PLXNA2: variants seen among roughly 807,000 people sequenced by gnomAD.
PLXNA2 encodes plexin-A2.
Under a neutral mutation model 193.5 loss-of-function variants are expected in PLXNA2, and 91 were observed. The observed-to-expected ratio is 0.47, with a 90% CI of 0.40 to 0.56. PLXNA2 has a LOEUF of 0.56. Among genes scored for constraint, PLXNA2 ranks in the 20% least tolerant of loss-of-function variants. PLXNA2 has a pLI of 0.00. For missense variants in PLXNA2, 1,995 were observed against 2,503.2 expected (o/e 0.80, Z 4.33); for synonymous variants, 997 against 1,027.3 (o/e 0.97, Z 0.56).
intron 3 of PLXNA2, among the ~76,000 whole-genome samples, chr1:208,194,973 C>A (rs944637541): frequency 2.6e-5 from 4 of 152,142 alleles, no homozygotes; most frequent in African/African-American, 9.7e-5. Context: ...CCACCAGAGT[C>A]CACGCTGAAG....
At chr1:208,036,033 C>T (rs1664660556) in intron 26 of PLXNA2, among the ~76,000 whole-genome samples, 1 of 152,192 alleles carries the variant, frequency 6.6e-6, no homozygotes, top group Non-Finnish European at 1.5e-5. Context: ...AGTGCATTGA[C>T]TTGATGGTAT....
intron 9 of PLXNA2, among the ~76,000 whole-genome samples, chr1:208,090,608 C>T (rs563157179): frequency 2.0e-5 from 3 of 152,282 alleles, no homozygotes; most frequent in Admixed American, 2.0e-4. Flanking sequence ...GAGTGACACT[C>T]GCATGCCCTT....
At chr1:208,134,042 C>T (rs1668234086) in intron 4 of PLXNA2, among the ~76,000 whole-genome samples, 1 of 152,182 alleles carries the variant, frequency 6.6e-6, no homozygotes. Context: ...CTCCAACCCC[C>T]TTGCCCATTT....
At chr1:208,077,339 G>A (rs956212273) in intron 12 of PLXNA2, among the ~76,000 whole-genome samples, 6 of 152,126 alleles carry the variant, frequency 3.9e-5, no homozygotes, top group Admixed American at 6.5e-5. Context: ...AATTAGCCTC[G>A]CGTAGCCTGG....
intron 13 of PLXNA2, among the ~76,000 whole-genome samples, chr1:208,054,967 T>G (rs1348371502): frequency 6.6e-6 from 1 of 151,958 alleles, no homozygotes; most frequent in African/African-American, 2.4e-5. Context: ...CCTAAAGGAG[T>G]GGGTGAGGGC....
chr1:208,226,113 C>G (rs959435777), intron 1 of PLXNA2, among the ~76,000 whole-genome samples: 1 of 152,142 alleles, frequency 6.6e-6, no homozygotes, highest in Non-Finnish European at 1.5e-5. Context: ...AACAGTAGCC[C>G]AGAGAACTCA....
chr1:208,098,589 T>C (rs750507254), intron 6 of PLXNA2, among the ~76,000 whole-genome samples: 13 of 152,178 alleles, frequency 8.5e-5, no homozygotes, highest in Non-Finnish European at 1.3e-4. Flanking sequence ...CTGCATTATG[T>C]TGCAGATGTT....
At chr1:208,055,899 A>G (rs891952716) in intron 13 of PLXNA2, among the ~76,000 whole-genome samples, 13 of 152,248 alleles carry the variant, frequency 8.5e-5, no homozygotes. Flanking sequence ...ATTACGTTTT[A>G]GCATATTAGA....
At chr1:208,147,696 G>A (rs983692423) in intron 3 of PLXNA2, among the ~76,000 whole-genome samples, 6 of 152,172 alleles carry the variant, frequency 3.9e-5, no homozygotes, top group Non-Finnish European at 7.4e-5. Context: ...CACACAGCTG[G>A]AGAGTGGCGT....
intron 5 of PLXNA2, among the ~76,000 whole-genome samples, chr1:208,099,932 C>T (rs1301044338): frequency 1.3e-5 from 2 of 151,964 alleles, no homozygotes; most frequent in African/African-American, 4.8e-5. Flanking sequence ...GCCTGTGGGA[C>T]CTGAGAAGCA....
intron 3 of PLXNA2, among the ~76,000 whole-genome samples, chr1:208,185,719 G>GAAAAAAAAAAAAAAAAAGAAAA (rs3991419): frequency 2.8e-5 from 3 of 105,536 alleles, no homozygotes; most frequent in African/African-American, 7.3e-5. Context: ...AAAAAAAAAA[G>GAAAAAAAAAAAAAAAAAGAAAA]GAAAAAAAAA....
At chr1:208,219,281 C>G (rs761691440) in intron 1 of PLXNA2, among the ~76,000 whole-genome samples, 1 of 152,188 alleles carries the variant, frequency 6.6e-6, no homozygotes, top group South Asian at 2.1e-4. Flanking sequence ...GGCAGGAAGT[C>G]AGAGAGCAGA....
chr1:208,215,055 C>A (rs760731356), intron 2 of PLXNA2, among the ~76,000 whole-genome samples: 9 of 151,986 alleles, frequency 5.9e-5, no homozygotes, highest in Non-Finnish European at 2.9e-5. Context: ...CTCTGTCACC[C>A]AGGCTGGAGT....
chr1:208,098,464 A>T (rs1346854972), intron 6 of PLXNA2, among the ~76,000 whole-genome samples: 1 of 147,188 alleles, frequency 6.8e-6, no homozygotes, highest in South Asian at 2.2e-4. Flanking sequence ...TCTCTCACAC[A>T]CACACACACA....
intron 17 of PLXNA2, among the ~76,000 whole-genome samples, chr1:208,049,562 A>G (rs185272063): frequency 6.3e-4 from 96 of 152,356 alleles, no homozygotes; most frequent in African/African-American, 2.3e-3. Context: ...CAACATCTCC[A>G]GCAGGATGGT....
Position 208,027,160 on chromosome 1 carries a change from C to G in PLXNA2, c.*83G>C. ...GGACAGCAAGCTCTGGGGCCTGATCCCCATCACTTGTCCTTCCATCTGAGA... is the reference window on the plus strand; with the variant it reads ...GGACAGCAAGCTCTGGGGCCTGATCGCCATCACTTGTCCTTCCATCTGAGA... On this transcript the variant is annotated 3_prime_UTR_variant, in exon 32 of 32. Transcript: ENST00000367033. The G allele has an allele frequency of 8.1e-7, 1 of 1,234,072 alleles. No individual in the cohort carries two copies. The highest frequency in any genetic ancestry group is 1.2e-6 in the Non-Finnish European group (1 of 847,584). 76.4% of individuals were successfully genotyped at this position (1,234,072 alleles called of 1,614,324 possible). A position where few individuals can be genotyped will look rare whatever the true frequency, so the allele number is the denominator to read the frequency against.
chr1:208,054,227 T>C (rs369507948), intron 14 of PLXNA2, among the ~76,000 whole-genome samples, 194 bp downstream of exon 14: 56 of 152,320 alleles, frequency 3.7e-4, no homozygotes, highest in Middle Eastern at 3.4e-3. Context: ...GTTTATCACA[T>C]GCCCATCTCA....
At chr1:208,183,865 C>G (rs1442141085) in intron 3 of PLXNA2, among the ~76,000 whole-genome samples, 4 of 152,154 alleles carry the variant, frequency 2.6e-5, no homozygotes. Context: ...TAAGTTATTT[C>G]TACTTCATAT....
chr1:208,198,620 C>T (rs530740354), intron 3 of PLXNA2, among the ~76,000 whole-genome samples: 8 of 152,280 alleles, frequency 5.3e-5, no homozygotes, highest in East Asian at 1.9e-4. Context: ...AGGAAGACAG[C>T]GTGTGCCGAG....
Sources: gnomAD v4.1 joint callset for allele counts (sites outside exome capture counted in the v4.1 genomes callset) on GRCh38, gnomAD v4.1.1 for gene constraint, MANE v1.5 for transcripts, NCBI Gene and HGNC (gene_info 2026-07-23, HGNC 2026-07-21) for gene names.